The following RNGTT variants were observed in gnomAD, a reference collection of about 807,000 sequenced individuals.
RNGTT encodes the protein mRNA-capping enzyme.
A neutral mutation model predicts 79.3 loss-of-function variants in RNGTT; 33 were observed. The ratio of observed to expected loss-of-function variants is 0.42; its 90% CI spans 0.32 to 0.56. The LOEUF (loss-of-function observed/expected upper bound fraction) is 0.56, where lower values mean the gene tolerates loss of function less well. Ranked by LOEUF, RNGTT falls within the 20% of genes least tolerant of loss-of-function variation. The pLI is 0.17. For synonymous variants in RNGTT, 222 were observed against 235.9 expected, an observed-to-expected ratio of 0.94 and a Z score of 0.54; for missense variants, 497 against 739.1, an observed-to-expected ratio of 0.67 and a Z score of 3.80.
intron 13 of RNGTT, among the ~76,000 whole-genome samples, chr6:88,748,807 G>A (rs562667743): frequency 1.3e-5 from 2 of 151,830 alleles, no homozygotes; most frequent in South Asian, 4.2e-4. Context: ...AATAATAGCA[G>A]GAAAAGCTCA....
At chr6:88,680,361 A>G (rs1441104183) in intron 13 of RNGTT, among the ~76,000 whole-genome samples, 2 of 152,174 alleles carry the variant, frequency 1.3e-5, no homozygotes, top group African/African-American at 4.8e-5. Context: ...TACTAAGACC[A>G]CGAAAGCAGT....
At chr6:88,937,223 G>A (rs572375363) in intron 2 of RNGTT, among the ~76,000 whole-genome samples, 1 of 152,096 alleles carries the variant, frequency 6.6e-6, no homozygotes, top group Non-Finnish European at 1.5e-5. Flanking sequence ...GCACATGCCT[G>A]TAATCCCAGC....
rs1192940814 is a variant in RNGTT, at chr6:88,837,988, T to A, written c.1269+6369A>T. Among the ~76,000 whole-genome samples, 3 of 152,060 alleles carry A rather than the reference T, an allele frequency of 2.0e-5. No individual in the cohort carries two copies. The East Asian group carries it at 5.8e-4, about 29-fold the overall frequency. ...ATGAAAAATCCAATAAGTAAAAATA[T>A]CACTATTTACACTTAATATGAATAC... On this transcript the variant is annotated intron_variant, in intron 11 of 15. Transcript: ENST00000369485.
At chr6:88,936,289 T>C (rs1361212621) in intron 2 of RNGTT, among the ~76,000 whole-genome samples, 2 of 152,200 alleles carry the variant, frequency 1.3e-5, no homozygotes, top group African/African-American at 4.8e-5. Context: ...AGTTTTCTGG[T>C]GGAATCATTA....
intron 13 of RNGTT, among the ~76,000 whole-genome samples, chr6:88,715,625 C>T (rs983220910): frequency 1.1e-4 from 17 of 152,096 alleles, no homozygotes; most frequent in Non-Finnish European, 2.5e-4. Context: ...GAGAAATAGA[C>T]CAATGGAACA....
At chr6:88,826,007 T>G (rs373544101) in intron 11 of RNGTT, among the ~76,000 whole-genome samples, 2 of 152,226 alleles carry the variant, frequency 1.3e-5, no homozygotes, top group South Asian at 2.1e-4. Context: ...ATAGAAAATA[T>G]AGAGTTCTTC....
intron 4 of RNGTT, among the ~76,000 whole-genome samples, chr6:88,918,365 G>A (rs1033883920): frequency 1.1e-4 from 17 of 152,110 alleles, no homozygotes; most frequent in African/African-American, 4.1e-4. Flanking sequence ...GAGGACTCCA[G>A]ACTGCAACAA....
rs1274261104 is a variant in RNGTT, at chr6:88,946,080, AC to A, written c.65-4901del. Reference sequence around the variant, plus strand: ...CTTTGCTTTACTGTAATTCACAGATACTGCATTTTTTAATAAATTGAAAGTC... The same window carrying A: ...CTTTGCTTTACTGTAATTCACAGATATGCATTTTTTAATAAATTGAAAGTC... On this transcript the variant is annotated intron_variant, in intron 1 of 15. Transcript: ENST00000369485. Among the ~76,000 whole-genome samples, 5 of 152,232 alleles carry A rather than the reference AC, an allele frequency of 3.3e-5. No individual in the cohort carries two copies. In the East Asian group the frequency reaches 9.6e-4, roughly 29 times the overall value.
chr6:88,719,905 G>A (rs1776651231), intron 13 of RNGTT, among the ~76,000 whole-genome samples: 1 of 152,158 alleles, frequency 6.6e-6, no homozygotes, highest in Non-Finnish European at 1.5e-5. Context: ...AGCCATTCGT[G>A]TTTAATGATT....
At chr6:88,666,640 T>A (rs1774421072) in intron 14 of RNGTT, among the ~76,000 whole-genome samples, 1 of 152,192 alleles carries the variant, frequency 6.6e-6, no homozygotes, top group African/African-American at 2.4e-5. Flanking sequence ...GGTGTTGGAC[T>A]AAGTTTATTC....
Position 88,843,548 on chromosome 6 carries a change from C to CTTT in RNGTT, c.1269+806_1269+808dup, listed in dbSNP as rs11312733. ...ACATCTTGGAATATTTAGTATGATT[C>CTTT]TTTTTTTTTTTTTTTTTTTTTTTTT... is the stretch of plus-strand genomic sequence containing the variant. On this transcript the variant is annotated intron_variant, in intron 11 of 15. Transcript: ENST00000369485. 1.5e-3 allele frequency among the ~76,000 whole-genome samples: 97 copies of CTTT among 66,660 alleles called. 12 individuals are homozygous for CTTT. Among genetic ancestry groups the CTTT allele is most frequent in the African/African-American group, 5.1e-3 (76 of 14,766 alleles). The allele number at this position is 66,660 out of a possible 152,430, so 43.7% of individuals were successfully genotyped here. A position where few individuals can be genotyped will look rare whatever the true frequency, so the allele number is the denominator to read the frequency against.
chr6:88,833,068 T>C (rs1314574415), intron 11 of RNGTT, among the ~76,000 whole-genome samples: 3 of 152,154 alleles, frequency 2.0e-5, no homozygotes, highest in African/African-American at 7.2e-5. Flanking sequence ...AGCCATCCCA[T>C]TACTGGGTAT....
intron 14 of RNGTT, among the ~76,000 whole-genome samples, chr6:88,628,775 A>G (rs1049369877): frequency 6.6e-6 from 1 of 152,120 alleles, no homozygotes; most frequent in African/African-American, 2.4e-5. Flanking sequence ...ACATCGCACT[A>G]CCTCTTGGTA....
At chr6:88,615,319 T>C (rs1338102951) in intron 14 of RNGTT, among the ~76,000 whole-genome samples, 1 of 152,222 alleles carries the variant, frequency 6.6e-6, no homozygotes, top group African/African-American at 2.4e-5. Flanking sequence ...CACTACCACC[T>C]AGGAATATGA....
intron 6 of RNGTT, among the ~76,000 whole-genome samples, chr6:88,904,054 A>C (rs1363846031): frequency 6.6e-6 from 1 of 152,210 alleles, no homozygotes; most frequent in Non-Finnish European, 1.5e-5. Context: ...TTCATATGTA[A>C]AGTTATTTTA....
At chr6:88,706,244 A>G (rs997579840) in intron 13 of RNGTT, among the ~76,000 whole-genome samples, 2 of 152,080 alleles carry the variant, frequency 1.3e-5, no homozygotes, top group Non-Finnish European at 2.9e-5. Context: ...TTTTTTTGGT[A>G]GAAAAGAAAT....
rs768420314 is a variant in RNGTT at position 88,963,297 on chromosome 6, C to A, written c.64+49G>T. The A allele has an allele frequency of 3.6e-5, 58 of 1,600,866 alleles. 1 individual carries two copies. In the South Asian group the frequency reaches 6.1e-4, roughly 17 times the overall value. ...GCTGAGCTCCTCAGTCGGCCCACCCCCGGGCACGTTGGAGTGTGGGGATTC... is the reference window on the plus strand; with the variant it reads ...GCTGAGCTCCTCAGTCGGCCCACCCACGGGCACGTTGGAGTGTGGGGATTC... On this transcript the variant is annotated intron_variant, in intron 1 of 15. Transcript: ENST00000369485.
chr6:88,954,881 A>T (rs986175884), intron 1 of RNGTT, among the ~76,000 whole-genome samples: 1 of 151,884 alleles, frequency 6.6e-6, no homozygotes, highest in Non-Finnish European at 1.5e-5. Flanking sequence ...TGCCTCTACT[A>T]AAAATACAAA....
chr6:88,725,814 T>TAGGGGA (rs1199937398), intron 13 of RNGTT, among the ~76,000 whole-genome samples: 3 of 151,716 alleles, frequency 2.0e-5, no homozygotes, highest in Admixed American at 6.6e-5. Flanking sequence ...GTCCCTCCCC[T>TAGGGGA]AGGGGAAGGG....
Sources: gnomAD v4.1 joint callset for allele counts (sites outside exome capture counted in the v4.1 genomes callset) on GRCh38, gnomAD v4.1.1 for gene constraint, MANE v1.5 for transcripts, NCBI Gene and HGNC (gene_info 2026-07-23, HGNC 2026-07-21) for gene names.